Variants in PTPRG observed in about 807,000 individuals in gnomAD.
PTPRG encodes receptor-type tyrosine-protein phosphatase gamma.
Under a neutral mutation model 165.3 loss-of-function variants are expected in PTPRG, and 102 were observed. The observed-to-expected ratio is 0.62, with a 90% CI of 0.53 to 0.73. The LOEUF is 0.73. PTPRG is among the 30% of genes least tolerant of loss of function. The pLI is 0.00. For missense variants in PTPRG, 1,866 were observed against 1,861.4 expected (o/e 1.00, Z -0.05); for synonymous variants, 675 against 669.5 (o/e 1.01, Z -0.13).
chr3:61,712,910 A>C (rs923149113), intron 1 of PTPRG, among the ~76,000 whole-genome samples: 1 of 152,216 alleles, frequency 6.6e-6, no homozygotes, highest in African/African-American at 2.4e-5. Context: ...GAGTCAGTAC[A>C]CAGTGGGAGG....
In PTPRG at chr3:62,036,987, A is replaced by G. The variant is rs201587550; in HGVS notation, c.519+33490A>G. 3.3e-3 allele frequency among the ~76,000 whole-genome samples: 380 copies of G among 114,856 alleles called. 2 individuals carry two copies. The highest frequency in any genetic ancestry group is 0.012 in the African/African-American group (365 of 30,490). 75.3% of individuals were successfully genotyped at this position (114,856 alleles called of 152,430 possible). A position where few individuals can be genotyped will look rare whatever the true frequency, so the allele number is the denominator to read the frequency against. On this transcript the variant is annotated intron_variant, in intron 4 of 29. Coordinates refer to ENST00000474889, the MANE Select transcript of PTPRG (RefSeq NM_002841.4). ...GCTGCACGTGCGCGCGCGCACGCAC[A>G]CACACACACACACACACACACAGTG...
At chr3:62,170,652 C>T (rs1705181863) in intron 8 of PTPRG, among the ~76,000 whole-genome samples, 1 of 152,156 alleles carries the variant, frequency 6.6e-6, no homozygotes, top group Non-Finnish European at 1.5e-5. Context: ...ATGTGTCATT[C>T]TACTAGGTTT....
At chr3:61,570,101 A>C (rs1414812025) in intron 1 of PTPRG, among the ~76,000 whole-genome samples, 1 of 152,134 alleles carries the variant, frequency 6.6e-6, no homozygotes, top group African/African-American at 2.4e-5. Context: ...GGCTCCACTG[A>C]TGGGAAGCAA....
At chr3:61,742,291 G>C (rs2033021358) in intron 1 of PTPRG, among the ~76,000 whole-genome samples, 2 of 152,046 alleles carry the variant, frequency 1.3e-5, no homozygotes, top group Admixed American at 6.6e-5. Flanking sequence ...ACTATGTCCG[G>C]TGGCTCTGGG....
chr3:61,865,386 T>A (rs1045152686), intron 2 of PTPRG, among the ~76,000 whole-genome samples: 1 of 152,138 alleles, frequency 6.6e-6, no homozygotes, highest in African/African-American at 2.4e-5. Flanking sequence ...TGTTGTTATT[T>A]TTTACTTGTT....
intron 2 of PTPRG, among the ~76,000 whole-genome samples, chr3:61,917,705 G>A (rs947339869): frequency 2.0e-5 from 3 of 152,168 alleles, no homozygotes; most frequent in East Asian, 1.9e-4. Flanking sequence ...TGAGGCAGGC[G>A]GATCACCTGA....
At chr3:61,934,199 A>C (rs1241212845) in intron 2 of PTPRG, among the ~76,000 whole-genome samples, 1 of 152,232 alleles carries the variant, frequency 6.6e-6, no homozygotes, top group African/African-American at 2.4e-5. Flanking sequence ...ATATGCATAT[A>C]TAGAGATGTG....
intron 16 of PTPRG, among the ~76,000 whole-genome samples, chr3:62,258,365 C>T (rs1156640760): frequency 6.6e-6 from 1 of 152,116 alleles, no homozygotes; most frequent in African/African-American, 2.4e-5. Context: ...AGTCCTTGCC[C>T]TCAAAGAGTT....
intron 1 of PTPRG, among the ~76,000 whole-genome samples, chr3:61,690,840 A>T (rs2030149150): frequency 6.6e-6 from 1 of 152,030 alleles, no homozygotes; most frequent in African/African-American, 2.4e-5. Context: ...AAATTAATAG[A>T]TGATACAGTC....
chr3:61,792,149 A>G (rs751224421), intron 2 of PTPRG, among the ~76,000 whole-genome samples: 2 of 151,650 alleles, frequency 1.3e-5, no homozygotes, highest in Non-Finnish European at 2.9e-5. Flanking sequence ...GTGTCACCAA[A>G]GGGGACTCTG....
Position 62,271,430 on chromosome 3 carries a change from C to T in PTPRG, c.3057C>T (p.Ile1019=). ...GTCGTCAGAATGAAAGGGTAGTGAT[C>T]CAGTATCACTATACACAGTGGCCTG... ...PKGRQNERVV[I]QYHYTQWPDM... The change falls in exon 21 of 30, where the codon ATC becomes ATT. Residue 1019 remains isoleucine, a synonymous_variant. Coordinates refer to ENST00000474889, the MANE Select transcript of PTPRG (RefSeq NM_002841.4). The surrounding 1 kb of genome is among the most constrained non-coding windows in gnomAD (Gnocchi z 4.1). 6.2e-7 allele frequency: 1 copy of T among 1,612,252 alleles called. No individual in the cohort carries two copies. Among genetic ancestry groups the T allele is most frequent in the South Asian group, 1.1e-5 (1 of 90,906 alleles).
At chr3:62,055,371 T>C (rs573721368) in intron 4 of PTPRG, among the ~76,000 whole-genome samples, 112 of 152,316 alleles carry the variant, frequency 7.4e-4, no homozygotes, top group Non-Finnish European at 1.4e-3. Context: ...GGCATGCTAA[T>C]GAGAGAACAG....
chr3:62,176,983 G>T (rs956833398), intron 8 of PTPRG, among the ~76,000 whole-genome samples: 1 of 151,994 alleles, frequency 6.6e-6, no homozygotes, highest in African/African-American at 2.4e-5. Flanking sequence ...AGATAATAAG[G>T]CAGAGCCCAG....
At chr3:62,014,227 A>AC (rs775212013) in intron 4 of PTPRG, among the ~76,000 whole-genome samples, 12 of 151,808 alleles carry the variant, frequency 7.9e-5, no homozygotes, top group South Asian at 2.1e-4. Flanking sequence ...ATTTCATTGC[A>AC]CCCCCCCTTT....
intron 1 of PTPRG, among the ~76,000 whole-genome samples, chr3:61,602,539 T>A (rs190279850): frequency 6.6e-6 from 1 of 152,332 alleles, no homozygotes; most frequent in East Asian, 1.9e-4. Context: ...AAAACTGAAC[T>A]GCCATGAATG....
chr3:61,925,320 T>C (rs2107570997), intron 2 of PTPRG, among the ~76,000 whole-genome samples: 1 of 152,372 alleles, frequency 6.6e-6, no homozygotes, highest in African/African-American at 2.4e-5. Flanking sequence ...CCTTGTCACC[T>C]TGTGGGTCCA....
rs1700667286 is a variant in PTPRG at position 62,222,182 on chromosome 3, T to A, written c.2288+3199T>A. Among the ~76,000 whole-genome samples, 1 of 152,226 alleles carries A rather than the reference T, an allele frequency of 6.6e-6. No homozygotes were observed. Among genetic ancestry groups the A allele is most frequent in the Non-Finnish European group, 1.5e-5 (1 of 68,038 alleles). ...CTATTGCAGTTGACAAAAATCCATT[T>A]CAAAATGCCTTAAAGCTCAAGGGGA... On this transcript the variant is annotated intron_variant, in intron 13 of 29. Coordinates refer to ENST00000474889, the MANE Select transcript of PTPRG (RefSeq NM_002841.4). The surrounding 1 kb of genome is among the most constrained non-coding windows in gnomAD (Gnocchi z 4.5).
intron 2 of PTPRG, among the ~76,000 whole-genome samples, chr3:61,821,972 CT>C (rs2035970788): frequency 6.6e-6 from 1 of 152,212 alleles, no homozygotes; most frequent in Non-Finnish European, 1.5e-5. Context: ...TTAACTGCCT[CT>C]CAAATGCATC....
intron 13 of PTPRG, among the ~76,000 whole-genome samples, chr3:62,225,847 T>C (rs1700752886): frequency 6.6e-6 from 1 of 151,922 alleles, no homozygotes; most frequent in Admixed American, 6.6e-5. Flanking sequence ...TAGAGACGGA[T>C]TTTGCCATGT....
Sources: gnomAD v4.1 joint callset for allele counts (sites outside exome capture counted in the v4.1 genomes callset) on GRCh38, gnomAD v4.1.1 for gene constraint, Gnocchi (gnomAD v3.1) non-coding constraint, MANE v1.5 for transcripts, NCBI Gene and HGNC (gene_info 2026-07-23, HGNC 2026-07-21) for gene names.